The following TERF1 variants were observed in gnomAD, a reference collection of about 807,000 sequenced individuals.
The protein encoded by TERF1 is telomeric repeat-binding factor 1.
In TERF1, 20 loss-of-function variants were observed where a neutral mutation model predicts 55.1. The observed-to-expected ratio is 0.36, with a 90% CI of 0.26 to 0.53. The LOEUF is 0.53. TERF1 is among the 20% of genes least tolerant of loss of function. The pLI, the probability that TERF1 is intolerant of heterozygous loss-of-function variation, is 0.91. For synonymous variants in TERF1, 168 were observed against 181.2 expected, an observed-to-expected ratio of 0.93 and a Z score of 0.59; for missense variants, 439 against 535.7, an observed-to-expected ratio of 0.82 and a Z score of 1.78.
At chr8:73,028,570 C>A (rs1023603180) in intron 6 of TERF1, among the ~76,000 whole-genome samples, 7 of 94,080 alleles carry the variant, frequency 7.4e-5, no homozygotes, top group African/African-American at 2.8e-4. Flanking sequence ...TACGTAGACC[C>A]ATTTTTTTTT....
chr8:73,019,135 T>C (rs1808644788), intron 2 of TERF1: 2 of 152,164 alleles, frequency 1.3e-5, no homozygotes, highest in Admixed American at 6.5e-5. Flanking sequence ...CTGTTTGCAC[T>C]ATGCCTGTAA....
intron 8 of TERF1, among the ~76,000 whole-genome samples, chr8:73,033,595 A>G (rs533074105): frequency 2.0e-4 from 30 of 152,208 alleles, no homozygotes; most frequent in African/African-American, 7.2e-4. Context: ...TTAGCCAGGC[A>G]TGGTGGTGCC....
intron 9 of TERF1, among the ~76,000 whole-genome samples, chr8:73,045,188 T>G (rs1407520804): frequency 6.6e-6 from 1 of 152,136 alleles, no homozygotes; most frequent in South Asian, 2.1e-4. Context: ...CACCAACACT[T>G]ATTTTGTGTT....
At chr8:73,044,510 G>C (rs1481886002) in intron 9 of TERF1, among the ~76,000 whole-genome samples, 1 of 152,060 alleles carries the variant, frequency 6.6e-6, no homozygotes, top group Non-Finnish European at 1.5e-5. Context: ...TTAGACAATT[G>C]AACTGGATTT....
chr8:73,014,218 C>T (rs1808398139), intron 2 of TERF1, among the ~76,000 whole-genome samples: 1 of 130,050 alleles, frequency 7.7e-6, no homozygotes, highest in South Asian at 2.8e-4. Context: ...CTTTAGCCTG[C>T]TCCAGAATTA....
intron 9 of TERF1, among the ~76,000 whole-genome samples, chr8:73,042,479 C>CATG (rs1809874294): frequency 6.6e-6 from 1 of 151,798 alleles, no homozygotes; most frequent in East Asian, 1.9e-4. Context: ...AAAAAACTTA[C>CATG]GGCAATAGCC....
At chr8:73,016,859 G>A (rs1808532011) in intron 2 of TERF1, among the ~76,000 whole-genome samples, 1 of 152,132 alleles carries the variant, frequency 6.6e-6, no homozygotes, top group Non-Finnish European at 1.5e-5. Flanking sequence ...TCTTTCTCCA[G>A]TAAAGTCTCT....
At chr8:73,027,151 C>G in intron 6 of TERF1, 99 bp downstream of exon 6, 1 of 830,970 alleles carries the variant, frequency 1.2e-6, no homozygotes, top group Non-Finnish European at 1.8e-6. Context: ...TATTGAGTAG[C>G]ATGTTATCTT....
intron 7 of TERF1, 44 bp downstream of exon 7, chr8:73,030,439 G>T: frequency 7.7e-7 from 1 of 1,297,898 alleles, no homozygotes; most frequent in South Asian, 1.7e-5. Flanking sequence ...TCAAATCTTT[G>T]ATTGAAGCAA....
rs369253736 is a variant in TERF1, at chr8:73,013,047, TTA to T, written c.320-846_320-845del. The T allele has an allele frequency of 6.6e-4, 252 of 380,378 alleles. 5 individuals are homozygous for T. The highest frequency in any genetic ancestry group is 4.7e-3 in the South Asian group (242 of 51,496). 23.6% of individuals were successfully genotyped at this position (380,378 alleles called of 1,614,324 possible). A position where few individuals can be genotyped will look rare whatever the true frequency, so the allele number is the denominator to read the frequency against. ...AGATAATCTCTGGTGTAGCATAAGATTATGTTAGAATTGAGGGAGGAAATTGG... is the reference window on the plus strand; with the variant it reads ...AGATAATCTCTGGTGTAGCATAAGATTGTTAGAATTGAGGGAGGAAATTGG... On this transcript the variant is annotated intron_variant, in intron 1 of 9. Transcript: ENST00000276603.
intron 8 of TERF1, among the ~76,000 whole-genome samples, chr8:73,034,604 A>G (rs1809430634): frequency 6.6e-6 from 1 of 152,278 alleles, no homozygotes; most frequent in Admixed American, 6.5e-5. Context: ...AAATTGACAT[A>G]TGCTTAGGGA....
In TERF1 at chr8:73,016,619, C is replaced by T. The variant is rs1419883180; in HGVS notation, c.415+2629C>T. Among the ~76,000 whole-genome samples, 7 of 151,792 alleles carry T rather than the reference C, an allele frequency of 4.6e-5. No individual in the cohort carries two copies. The South Asian group carries it at 8.3e-4, about 18-fold the overall frequency. On this transcript the variant is annotated intron_variant, in intron 2 of 9. Coordinates refer to ENST00000276603, the MANE Select transcript of TERF1 (RefSeq NM_017489.3). ...TTAATTTTTTAATTTTTTGTAGAGACGAGGTCTCATGTTGTCCAGGCTGGT... is the reference window on the plus strand; with the variant it reads ...TTAATTTTTTAATTTTTTGTAGAGATGAGGTCTCATGTTGTCCAGGCTGGT...
intron 1 of TERF1, chr8:73,013,568 A>G (rs2129720397): frequency 9.7e-6 from 2 of 205,930 alleles, no homozygotes; most frequent in African/African-American, 2.4e-5. Flanking sequence ...ATTTTCTATT[A>G]TATGAAATGT....
At chr8:73,035,102 C>CAGT (rs1809458292) in intron 8 of TERF1, among the ~76,000 whole-genome samples, 2 of 152,250 alleles carry the variant, frequency 1.3e-5, no homozygotes, top group Admixed American at 1.3e-4. Flanking sequence ...AGAAATCTAT[C>CAGT]AGTAACCTTT....
At chr8:73,037,304 C>G (rs1809574903) in intron 8 of TERF1, among the ~76,000 whole-genome samples, 1 of 133,000 alleles carries the variant, frequency 7.5e-6, no homozygotes, top group Admixed American at 8.8e-5. Flanking sequence ...TCTTATCTAC[C>G]TATCTACTTA....
intron 9 of TERF1, among the ~76,000 whole-genome samples, chr8:73,044,201 A>G (rs1296062769): frequency 1.3e-5 from 2 of 152,232 alleles, no homozygotes; most frequent in African/African-American, 2.4e-5. Flanking sequence ...GGAGGCTGTC[A>G]GCCTTTGTCT....
chr8:73,012,313 T>G (rs1399823856), intron 1 of TERF1: 2 of 152,196 alleles, frequency 1.3e-5, no homozygotes, highest in Non-Finnish European at 2.9e-5. Context: ...CATACAGATA[T>G]AATAATAATG....
At chr8:73,014,371 G>A (rs917061204) in intron 2 of TERF1, among the ~76,000 whole-genome samples, 5 of 152,134 alleles carry the variant, frequency 3.3e-5, no homozygotes, top group Admixed American at 2.6e-4. Flanking sequence ...TACTCTTGGG[G>A]AAGTGTGTTT....
intron 2 of TERF1, among the ~76,000 whole-genome samples, chr8:73,017,135 T>G (rs1269880703): frequency 1.3e-5 from 2 of 152,132 alleles, no homozygotes; most frequent in Non-Finnish European, 2.9e-5. Flanking sequence ...TAACATACAT[T>G]TTTCTCTATG....
Sources: allele counts gnomAD v4.1 joint callset (sites outside exome capture counted in the v4.1 genomes callset), GRCh38; gene constraint gnomAD v4.1.1; transcripts MANE v1.5; gene names NCBI Gene and HGNC (gene_info 2026-07-23, HGNC 2026-07-21).